Variants in SPRED1 observed in about 807,000 individuals in gnomAD.
The protein encoded by SPRED1 is sprouty-related, EVH1 domain-containing protein 1.
Under a neutral mutation model 52.3 loss-of-function variants are expected in SPRED1, and 18 were observed. That is an observed-to-expected ratio of 0.34 (90% CI 0.24 to 0.51). The LOEUF is 0.51. Among genes scored for constraint, SPRED1 ranks in the 20% least tolerant of loss-of-function variants. The pLI is 0.97. For synonymous variants in SPRED1, 155 were observed against 179.7 expected (o/e 0.86, Z 1.10); for missense variants, 485 against 551.0 (o/e 0.88, Z 1.20).
intron 1 of SPRED1, among the ~76,000 whole-genome samples, chr15:38,274,885 C>T (rs114761457): frequency 1.8e-4 from 27 of 152,288 alleles, no homozygotes; most frequent in African/African-American, 6.5e-4. Context: ...TGCATCAGTT[C>T]AACAGGTGGA....
Position 38,351,741 on chromosome 15 carries a change from C to A in SPRED1, c.*77C>A, listed in dbSNP as rs1888494469. 1.3e-6 allele frequency: 2 copies of A among 1,539,130 alleles called. No individual in the cohort carries two copies. The highest frequency in any genetic ancestry group is 2.7e-5 in the African/African-American group (2 of 73,606). On this transcript the variant is annotated 3_prime_UTR_variant, in exon 7 of 7. Coordinates refer to ENST00000299084, the MANE Select transcript of SPRED1 (RefSeq NM_152594.3). ...AACTTGGATTTGTGGAAGCTTTTGG[C>A]AAGCAATATGGAATCTTGCCTGGTA...
chr15:38,352,696 A>G lies in SPRED1; in HGVS notation c.*1032A>G, dbSNP rs1266367570. On this transcript the variant is annotated 3_prime_UTR_variant, in exon 7 of 7. Coordinates refer to ENST00000299084, the MANE Select transcript of SPRED1 (RefSeq NM_152594.3). The stretch of plus-strand genomic sequence containing the variant: ...GTTAGTGTAAAAGCTTCATGTTGAG[A>G]TCTTCACGTATCATTCTGCTAAACC... 1 of 152,132 alleles carries G rather than the reference A, an allele frequency of 6.6e-6. No individual in the cohort carries two copies. Among genetic ancestry groups the G allele is most frequent in the Non-Finnish European group, 1.5e-5 (1 of 67,960 alleles). The allele number at this position is 152,132 out of a possible 1,614,324, so 9.4% of individuals were successfully genotyped here.
At chr15:38,297,902 A>G (rs1895071439) in intron 1 of SPRED1, among the ~76,000 whole-genome samples, 1 of 152,214 alleles carries the variant, frequency 6.6e-6, no homozygotes, top group Non-Finnish European at 1.5e-5. Flanking sequence ...TTTCTAAGCC[A>G]AGATCCAACT....
At chr15:38,310,154 T>TGTGTGTGTGTGTGTGTGTGTGTG (rs1566863248) in intron 2 of SPRED1, among the ~76,000 whole-genome samples, 1 of 6,178 alleles carries the variant, frequency 1.6e-4, no homozygotes, top group African/African-American at 3.0e-4. Flanking sequence ...TGTGTGTGTG[T>TGTGTGTGTGTGTGTGTGTGTGTG]TTGGAGACGA....
intron 1 of SPRED1, 91 bp from the exon 2 acceptor site, chr15:38,299,281 TA>T (rs1895102843): frequency 7.5e-7 from 1 of 1,326,410 alleles, no homozygotes; most frequent in Admixed American, 1.7e-5. Context: ...ACATGTTAAC[TA>T]ATGTGTTCTT....
chr15:38,306,462 G>T (rs570625641), intron 2 of SPRED1, among the ~76,000 whole-genome samples: 4 of 152,238 alleles, frequency 2.6e-5, no homozygotes, highest in Admixed American at 1.3e-4. Flanking sequence ...TTGCTGTGAA[G>T]AATTGGAATT....
intron 5 of SPRED1, among the ~76,000 whole-genome samples, chr15:38,346,949 A>G (rs936872739): frequency 1.3e-5 from 2 of 152,146 alleles, no homozygotes; most frequent in African/African-American, 2.4e-5. Context: ...TAGGTAATCA[A>G]ATGTTCTGTG....
intron 2 of SPRED1, among the ~76,000 whole-genome samples, chr15:38,321,024 A>G (rs72711729): frequency 0.09 from 13,769 of 152,198 alleles, 750 homozygotes; most frequent in East Asian, 0.21. Context: ...CATGGTCTAT[A>G]GATTAAAGTT....
At position 38,322,398 on chromosome 15, in the gene SPRED1, A is replaced by T; in HGVS notation, c.365A>T (p.Asp122Val). The T allele has an allele frequency of 6.2e-7, 1 of 1,613,688 alleles. No homozygotes were observed. Among genetic ancestry groups the T allele is most frequent in the Non-Finnish European group, 8.5e-7 (1 of 1,179,780 alleles). ...AGAGGTATCCGAAGAGCTATAGAGG[A>T]TATTTCTCAAGGTAGGTATTCTTGA... is the stretch of plus-strand genomic sequence containing the variant. ...FDRGIRRAIEDISQGCPESKN... is the reference protein window; with the variant it reads ...FDRGIRRAIEVISQGCPESKN... Residue 122 changes from aspartate (D) to valine (V), a missense_variant, in exon 3 of 7, where the codon GAT becomes GTT. Physicochemically the swap from Asp to Val is radical, Grantham distance 152. Around this residue, in one of 5 missense-constraint regions of SPRED1, gnomAD observed 232 missense variants for 231.8 expected, o/e 1.00. Transcript: ENST00000299084.
chr15:38,341,915 T>C (rs1896037923), intron 5 of SPRED1, among the ~76,000 whole-genome samples: 1 of 152,018 alleles, frequency 6.6e-6, no homozygotes, highest in Non-Finnish European at 1.5e-5. Context: ...AATACTTTTT[T>C]GATATCTGAT....
At chr15:38,330,988 T>A (rs1468879891) in intron 4 of SPRED1, among the ~76,000 whole-genome samples, 2 of 152,146 alleles carry the variant, frequency 1.3e-5, no homozygotes, top group Non-Finnish European at 2.9e-5. Context: ...GCAGCTGTCA[T>A]CTGGCCTTAT....
chr15:38,339,593 A>G (rs2141007542), intron 4 of SPRED1, 144 bp from the exon 5 acceptor site: 11 of 776,104 alleles, frequency 1.4e-5, no homozygotes, highest in South Asian at 1.3e-4. Context: ...TGTACATTTG[A>G]GTTTTGGGAA....
At chr15:38,326,346 C>CT (rs1895710105) in intron 4 of SPRED1, 1 of 152,160 alleles carries the variant, frequency 6.6e-6, no homozygotes, top group African/African-American at 2.4e-5. Context: ...GAGAAGTAAG[C>CT]TAAGGAAGGG....
rs115707011 is a variant in SPRED1 at position 38,290,262 on chromosome 15, A to G, written c.33-9111A>G. Among the ~76,000 whole-genome samples, 439 of 152,318 alleles carry G rather than the reference A, an allele frequency of 2.9e-3. 2 individuals are homozygous for G. The highest frequency in any genetic ancestry group is 9.6e-3 in the African/African-American group (398 of 41,580). On this transcript the variant is annotated intron_variant, in intron 1 of 6. Transcript: ENST00000299084. The stretch of plus-strand genomic sequence containing the variant: ...ATTTCAGAATGAAATCATAGTATCA[A>G]TGCTAGTAATTAAGGAGTCATGGGG...
intron 1 of SPRED1, among the ~76,000 whole-genome samples, chr15:38,291,758 C>T (rs1157556451): frequency 6.6e-6 from 1 of 152,164 alleles, no homozygotes; most frequent in East Asian, 1.9e-4. Flanking sequence ...AGTCCTTAGG[C>T]TACACACAGC....
intron 4 of SPRED1, among the ~76,000 whole-genome samples, chr15:38,336,386 G>GTGTGTA (rs1895916628): frequency 3.3e-5 from 2 of 61,288 alleles, no homozygotes; most frequent in Non-Finnish European, 7.8e-5. Context: ...GAAAATGTGT[G>GTGTGTA]TGTGTGTGTG....
chr15:38,258,369 T>A (rs1894143078), intron 1 of SPRED1, among the ~76,000 whole-genome samples: 1 of 152,216 alleles, frequency 6.6e-6, no homozygotes, highest in African/African-American at 2.4e-5. Context: ...TATTCTAGAA[T>A]ATAATTTTTA....
intron 2 of SPRED1, among the ~76,000 whole-genome samples, chr15:38,299,754 C>T (rs1895116116): frequency 6.6e-6 from 1 of 151,768 alleles, no homozygotes; most frequent in Non-Finnish European, 1.5e-5. Context: ...GATGGGGTTG[C>T]TGCTTTTCCA....
At chr15:38,314,452 TATA>T (rs1278658484) in intron 2 of SPRED1, among the ~76,000 whole-genome samples, 1 of 151,914 alleles carries the variant, frequency 6.6e-6, no homozygotes, top group Non-Finnish European at 1.5e-5. Flanking sequence ...TTCCCAATAT[TATA>T]ATGTCAAGTT....
Sources: allele counts gnomAD v4.1 joint callset (sites outside exome capture counted in the v4.1 genomes callset), GRCh38; gene constraint gnomAD v4.1.1; regional missense constraint gnomAD v4.1.1; transcripts MANE v1.5; gene names NCBI Gene and HGNC (gene_info 2026-07-23, HGNC 2026-07-21).